Variants in NAV1 observed in about 807,000 individuals in gnomAD.
NAV1 encodes the protein neuron navigator 1, also known as pore membrane and/or filament interacting like protein 3.
Under a neutral mutation model 175.2 loss-of-function variants are expected in NAV1, and 18 were observed. The observed-to-expected ratio is 0.10, with a 90% CI of 0.07 to 0.15. The LOEUF is 0.15. NAV1 is among the 10% of genes least tolerant of loss of function. The pLI, the probability that NAV1 is intolerant of heterozygous loss-of-function variation, is 1.00. For missense variants in NAV1, 1,731 were observed against 2,436.6 expected, an observed-to-expected ratio of 0.71 and a Z score of 6.10; for synonymous variants, 897 against 978.7, an observed-to-expected ratio of 0.92 and a Z score of 1.56.
chr1:201,704,367 A>G (rs1571895771), intron 1 of NAV1, among the ~76,000 whole-genome samples: 3 of 152,304 alleles, frequency 2.0e-5, no homozygotes, highest in South Asian at 2.1e-4. Context: ...CCGGCTGAGG[A>G]CCGGCAACGC....
chr1:201,636,180 G>A lies in NAV1; in HGVS notation c.4+6673G>A, dbSNP rs547772927. Among the ~76,000 whole-genome samples, 34 of 152,328 alleles carry A rather than the reference G, an allele frequency of 2.2e-4. No individual in the cohort carries two copies. The South Asian group carries it at 6.4e-3, about 29-fold the overall frequency. ...TGGGAAGGCCCAGGGCAGACAGAGA[G>A]CCTGCAGAGGGGGCTTTATCTCAAG... On this transcript the variant is annotated intron_variant, in intron 2 of 29. Transcript: ENST00000367302.
intron 28 of NAV1, among the ~76,000 whole-genome samples, chr1:201,815,287 C>T (rs1678957890): frequency 6.6e-6 from 1 of 151,870 alleles, no homozygotes; most frequent in South Asian, 2.1e-4. Context: ...GCCTGTAGTC[C>T]CAGCAGCTAC....
intron 3 of NAV1, among the ~76,000 whole-genome samples, chr1:201,755,102 T>C (rs953128637): frequency 6.6e-6 from 1 of 152,224 alleles, no homozygotes; most frequent in Non-Finnish European, 1.5e-5. Context: ...GCCTTAAATA[T>C]GCCCCAGTTG....
chr1:201,585,305 G>A (rs576511387), intron 1 of NAV1, among the ~76,000 whole-genome samples: 5 of 152,172 alleles, frequency 3.3e-5, no homozygotes, highest in African/African-American at 9.7e-5. Flanking sequence ...GTGAGAATAC[G>A]ATGATGGGGG....
exon 1 of NAV1, chr1:201,623,182 T>A: frequency 1.0e-6 from 1 of 985,830 alleles, no homozygotes; most frequent in African/African-American, 1.7e-5. Flanking sequence ...CAGCTCCCCA[T>A]GGAATAGTCC....
chr1:201,781,890 T>C (rs1676349392), intron 5 of NAV1, among the ~76,000 whole-genome samples: 1 of 152,160 alleles, frequency 6.6e-6, no homozygotes, highest in Non-Finnish European at 1.5e-5. Context: ...GTTAGATGGA[T>C]ATTCTTGATC....
Position 201,787,126 on chromosome 1 carries a change from G to T in NAV1, c.2995+549G>T, listed in dbSNP as rs572832905. ...CTGGCCACCCCCTTCCTAAAGCCTA[G>T]GGAGAAAGGAGAGCTAGGAAATAAG... is the stretch of plus-strand genomic sequence containing the variant. On this transcript the variant is annotated intron_variant, in intron 9 of 29. Transcript: ENST00000367296. The surrounding 1 kb of genome is among the most constrained non-coding windows in gnomAD (Gnocchi z 4.3). Among the ~76,000 whole-genome samples the T allele has an allele frequency of 6.6e-6, 1 of 152,316 alleles. No homozygotes were observed. The highest frequency in any genetic ancestry group is 1.9e-4 in the East Asian group (1 of 5,186).
chr1:201,727,272 A>T (rs188808420), intron 3 of NAV1, among the ~76,000 whole-genome samples: 34 of 152,332 alleles, frequency 2.2e-4, no homozygotes, highest in East Asian at 3.9e-4. Context: ...ACATTCTTTG[A>T]CAAAGAATGT....
chr1:201,712,961 T>C, intron 2 of NAV1, 42 bp downstream of exon 6: 1 of 1,480,486 alleles, frequency 6.8e-7, no homozygotes, highest in South Asian at 1.1e-5. Flanking sequence ...TCTGCCTTCC[T>C]GGCTCTCCAC....
intron 7 of NAV1, among the ~76,000 whole-genome samples, chr1:201,784,563 C>G (rs1026950780): frequency 7.3e-6 from 1 of 136,726 alleles, no homozygotes; most frequent in East Asian, 2.0e-4. Context: ...TACCATAATA[C>G]GATCTATTTT....
At chr1:201,671,737 G>T (rs1387132951) in intron 1 of NAV1, among the ~76,000 whole-genome samples, 2 of 152,162 alleles carry the variant, frequency 1.3e-5, no homozygotes, top group African/African-American at 4.8e-5. Context: ...GAATCTCCTA[G>T]CTATCTGGTC....
intron 1 of NAV1, among the ~76,000 whole-genome samples, chr1:201,685,620 G>A (rs764973152): frequency 1.3e-5 from 2 of 152,126 alleles, no homozygotes; most frequent in African/African-American, 4.8e-5. Flanking sequence ...CAGAATCTTC[G>A]GTGACAGTCC....
At chr1:201,728,412 T>A (rs1457523285) in intron 3 of NAV1, among the ~76,000 whole-genome samples, 1 of 151,478 alleles carries the variant, frequency 6.6e-6, no homozygotes, top group East Asian at 1.9e-4. Flanking sequence ...GCCAACATGG[T>A]GAAACCCCGC....
intron 2 of NAV1, among the ~76,000 whole-genome samples, chr1:201,609,114 C>T (rs1333110003): frequency 2.0e-5 from 3 of 152,228 alleles, no homozygotes; most frequent in Non-Finnish European, 2.9e-5. Flanking sequence ...GAGTCCTGTC[C>T]AGTGTTCTGA....
chr1:201,729,877 G>T (rs1672773236), intron 3 of NAV1, among the ~76,000 whole-genome samples: 1 of 152,144 alleles, frequency 6.6e-6, no homozygotes, highest in Admixed American at 6.5e-5. Context: ...CTGCGCTCCA[G>T]CCTGGGCGAC....
intron 2 of NAV1, among the ~76,000 whole-genome samples, chr1:201,637,270 T>C (rs1423221010): frequency 6.6e-6 from 1 of 152,220 alleles, no homozygotes; most frequent in African/African-American, 2.4e-5. Context: ...GGGTAAAAGC[T>C]TCTCATTACT....
At chr1:201,689,895 T>C (rs1442032548) in intron 1 of NAV1, among the ~76,000 whole-genome samples, 1 of 151,920 alleles carries the variant, frequency 6.6e-6, no homozygotes, top group Non-Finnish European at 1.5e-5. Context: ...TGTGGCAGAG[T>C]GCTGGCTATT....
chr1:201,735,432 G>A (rs1021318111), intron 3 of NAV1, among the ~76,000 whole-genome samples: 2 of 152,236 alleles, frequency 1.3e-5, no homozygotes, highest in African/African-American at 4.8e-5. Context: ...GGCATTTCCT[G>A]CAGGAAGGGC....
chr1:201,632,597 C>T (rs1668508646), intron 2 of NAV1, among the ~76,000 whole-genome samples: 1 of 152,240 alleles, frequency 6.6e-6, no homozygotes, highest in Non-Finnish European at 1.5e-5. Context: ...AAGGTTGCCC[C>T]AAGGCTTATG....
Sources: gnomAD v4.1 joint callset for allele counts (sites outside exome capture counted in the v4.1 genomes callset) on GRCh38, gnomAD v4.1.1 for gene constraint, Gnocchi (gnomAD v3.1) non-coding constraint, MANE v1.5 for transcripts, NCBI Gene and HGNC (gene_info 2026-07-23, HGNC 2026-07-21) for gene names.